Variants in FSTL4 observed in about 807,000 individuals in gnomAD.
FSTL4 encodes the protein follistatin like 4.
A neutral mutation model predicts 78.2 loss-of-function variants in FSTL4; 28 were observed. The ratio of observed to expected loss-of-function variants is 0.36; its 90% CI spans 0.27 to 0.49. The LOEUF is 0.49. FSTL4 is among the 20% of genes least tolerant of loss of function. FSTL4 has a pLI of 0.98. For synonymous variants in FSTL4, 422 were observed against 440.5 expected (o/e 0.96, Z 0.53); for missense variants, 922 against 1,084.9 (o/e 0.85, Z 2.11).
chr5:133,723,105 G>A, the FSTL4 span, among the ~76,000 whole-genome samples: 1 of 152,176 alleles, frequency 6.6e-6, no homozygotes, highest in Non-Finnish European at 1.5e-5. Flanking sequence ...GTGGAGCCAG[G>A]GTCTGGGTTT....
chr5:133,806,438 A>G, the FSTL4 span, among the ~76,000 whole-genome samples: 5 of 152,254 alleles, frequency 3.3e-5, no homozygotes, highest in East Asian at 1.9e-4. Flanking sequence ...GTCATTTTTT[A>G]AATAGCATGA....
At chr5:133,337,060 C>G (rs561578508) in intron 4 of FSTL4, among the ~76,000 whole-genome samples, 1 of 152,332 alleles carries the variant, frequency 6.6e-6, no homozygotes, top group African/African-American at 2.4e-5. Flanking sequence ...GGCAACTGGG[C>G]ACAGGCCTGT....
chr5:133,675,104 G>A, the FSTL4 span, among the ~76,000 whole-genome samples: 2 of 152,064 alleles, frequency 1.3e-5, no homozygotes, highest in Non-Finnish European at 2.9e-5. Context: ...TGGGGCAGGG[G>A]GGTCCACGGG....
At chr5:133,284,261 C>T (rs530393616) in intron 6 of FSTL4, among the ~76,000 whole-genome samples, 17 of 152,328 alleles carry the variant, frequency 1.1e-4, no homozygotes, top group African/African-American at 3.6e-4. Flanking sequence ...ACTCCAAGCA[C>T]ATCATAAGGA....
chr5:133,787,505 A>G, the FSTL4 span, among the ~76,000 whole-genome samples: 1 of 152,200 alleles, frequency 6.6e-6, no homozygotes, highest in South Asian at 2.1e-4. Context: ...ACGGGGCCTG[A>G]ACTGAACCCA....
intron 4 of FSTL4, among the ~76,000 whole-genome samples, chr5:133,347,345 A>AATC (rs1427536889): frequency 6.6e-6 from 1 of 151,972 alleles, no homozygotes; most frequent in Non-Finnish European, 1.5e-5. Flanking sequence ...CTTGACTTCT[A>AATC]ATCTTTTTTA....
chr5:133,419,473 T>G (rs540050917), intron 3 of FSTL4, among the ~76,000 whole-genome samples: 1 of 152,368 alleles, frequency 6.6e-6, no homozygotes, highest in African/African-American at 2.4e-5. Context: ...TACCACAGTT[T>G]GTCTATTCAT....
At chr5:133,382,821 G>A (rs1159654708) in intron 4 of FSTL4, among the ~76,000 whole-genome samples, 5 of 152,124 alleles carry the variant, frequency 3.3e-5, no homozygotes, top group Non-Finnish European at 7.3e-5. Context: ...GATATGTGTA[G>A]GCACACTCAA....
intron 3 of FSTL4, among the ~76,000 whole-genome samples, chr5:133,502,209 G>A (rs568571113): frequency 9.9e-5 from 15 of 152,192 alleles, no homozygotes; most frequent in African/African-American, 1.9e-4. Flanking sequence ...ACACAGGCAC[G>A]GGTGATGCAA....
chr5:133,288,420 T>C (rs554799126), intron 6 of FSTL4, among the ~76,000 whole-genome samples: 1 of 152,350 alleles, frequency 6.6e-6, no homozygotes, highest in Non-Finnish European at 1.5e-5. Context: ...TGTCTGGGTC[T>C]GCCCAGGCCC....
In FSTL4 at chr5:133,228,283, A is replaced by T. The variant is rs113612198; in HGVS notation, c.1016-2464T>A. Among the ~76,000 whole-genome samples, 968 of 152,360 alleles carry T rather than the reference A, an allele frequency of 6.4e-3. 4 individuals carry two copies. Among genetic ancestry groups the T allele is most frequent in the Non-Finnish European group, 0.01 (692 of 68,038 alleles). Reference sequence around the variant, plus strand: ...ACTTGGAAGTACCAGCATTGAGTTAAGGAGAGAATATTTAAAACAACTGTA... The same window carrying T: ...ACTTGGAAGTACCAGCATTGAGTTATGGAGAGAATATTTAAAACAACTGTA... On this transcript the variant is annotated intron_variant, in intron 8 of 15. Transcript: ENST00000265342.
intron 6 of FSTL4, among the ~76,000 whole-genome samples, chr5:133,257,071 C>A (rs58151957): frequency 6.6e-6 from 1 of 152,120 alleles, no homozygotes; most frequent in Admixed American, 6.5e-5. Flanking sequence ...ATGCCTACCA[C>A]GCAGAAGGGA....
rs149516585 is a variant in FSTL4 at position 133,461,596 on chromosome 5, C to T, written c.161-60610G>A. 5.6e-3 allele frequency among the ~76,000 whole-genome samples: 853 copies of T among 152,204 alleles called. 9 individuals are homozygous for T. Among genetic ancestry groups the T allele is most frequent in the African/African-American group, 0.02 (818 of 41,504 alleles). ...CCTCCGAATTAGCAAAGAAATTCTA[C>T]GGAAGTTACAAGCTAGGCTCTGTTG... On this transcript the variant is annotated intron_variant, in intron 3 of 15. Transcript: ENST00000265342.
At chr5:133,562,387 T>C (rs1290275936) in intron 3 of FSTL4, among the ~76,000 whole-genome samples, 1 of 152,158 alleles carries the variant, frequency 6.6e-6, no homozygotes. Context: ...CAGAGAACTA[T>C]AAAGGGGCTA....
the FSTL4 span, among the ~76,000 whole-genome samples, chr5:133,667,475 A>G: frequency 6.6e-6 from 1 of 152,160 alleles, no homozygotes; most frequent in Non-Finnish European, 1.5e-5. Flanking sequence ...AACCAGTGTT[A>G]AAACAAAGTC....
the FSTL4 span, among the ~76,000 whole-genome samples, chr5:133,734,575 G>T: frequency 7.4e-4 from 112 of 152,274 alleles, no homozygotes; most frequent in African/African-American, 2.4e-3. Flanking sequence ...ACGATGGGGA[G>T]TCATTGCACT....
chr5:133,203,760 A>ATAGT (rs1445552416), intron 14 of FSTL4, among the ~76,000 whole-genome samples: 2 of 152,186 alleles, frequency 1.3e-5, no homozygotes, highest in Non-Finnish European at 2.9e-5. Context: ...ATTTTAGCTC[A>ATAGT]TAGTAGAGAT....
At chr5:133,218,855 C>G (rs1013050654) in intron 12 of FSTL4, among the ~76,000 whole-genome samples, 2 of 152,194 alleles carry the variant, frequency 1.3e-5, no homozygotes, top group Non-Finnish European at 2.9e-5. Context: ...CTGGGCACAG[C>G]CTTTCCTCCT....
At position 133,199,610 on chromosome 5, in the gene FSTL4, G is replaced by T. The variant is rs375012898; in HGVS notation, c.2014C>A (p.Leu672Met). The change falls in exon 16 of 16, where the codon CTG (leucine) becomes ATG (methionine). Residue 672 changes from leucine to methionine, a missense_variant. Coordinates refer to ENST00000265342, the MANE Select transcript of FSTL4 (RefSeq NM_015082.2). The surrounding 1 kb of genome is among the most constrained non-coding windows in gnomAD (Gnocchi z 4.4). Reference protein sequence around the residue: ...QDSPASAARQLLVDSVTDSVL... With the variant: ...QDSPASAARQMLVDSVTDSVL... ...GAGTCTGTGACACTGTCAACGAGCA[G>T]CTGTCGGGCAGCAGAGGCGGGGCTG... 9 of 1,614,188 alleles carry T rather than the reference G, an allele frequency of 5.6e-6. No individual in the cohort carries two copies. Among genetic ancestry groups the T allele is most frequent in the Non-Finnish European group, 8.5e-7 (1 of 1,180,038 alleles).
Sources: gnomAD v4.1 joint callset for allele counts (sites outside exome capture counted in the v4.1 genomes callset) on GRCh38, gnomAD v4.1.1 for gene constraint, Gnocchi (gnomAD v3.1) non-coding constraint, MANE v1.5 for transcripts, NCBI Gene and HGNC (gene_info 2026-07-23, HGNC 2026-07-21) for gene names.